The following DCLK2 variants were observed in gnomAD, a reference collection of about 807,000 sequenced individuals.
The protein encoded by DCLK2 is serine/threonine-protein kinase DCLK2.
A neutral mutation model predicts 78.4 loss-of-function variants in DCLK2; 31 were observed. The ratio of observed to expected loss-of-function variants is 0.40; its 90% CI spans 0.30 to 0.53. The LOEUF is 0.53. Among genes scored for constraint, DCLK2 ranks in the 20% least tolerant of loss-of-function variants. DCLK2 has a pLI of 0.61. For synonymous variants in DCLK2, 407 were observed against 374.9 expected (o/e 1.09, Z -0.99); for missense variants, 872 against 973.7 (o/e 0.90, Z 1.39).
In DCLK2 at chr4:150,089,322, G is replaced by T. The variant is rs183154310; in HGVS notation, c.421+9874G>T. 1.9e-3 allele frequency among the ~76,000 whole-genome samples: 297 copies of T among 152,318 alleles called. 1 individual carries two copies. Among genetic ancestry groups the T allele is most frequent in the Non-Finnish European group, 2.5e-3 (172 of 68,022 alleles). On this transcript the variant is annotated intron_variant, in intron 1 of 15. Transcript: ENST00000296550. The stretch of plus-strand genomic sequence containing the variant: ...ACAGCAAGATTAACATAAAGGCACA[G>T]TGGAGAAAGGAATGAGAGATTAAGG...
At chr4:150,132,404 A>G (rs1414557711) in intron 2 of DCLK2, among the ~76,000 whole-genome samples, 9 of 152,246 alleles carry the variant, frequency 5.9e-5, no homozygotes, top group Admixed American at 5.9e-4. Context: ...TGCAGAATGC[A>G]GTGTAGAGAG....
At chr4:150,210,956 AAAAAAAAG>A (rs1224207630) in intron 5 of DCLK2, among the ~76,000 whole-genome samples, 2 of 151,478 alleles carry the variant, frequency 1.3e-5, no homozygotes, top group Admixed American at 1.3e-4. Context: ...CTCAAAAAAA[AAAAAAAAG>A]AAAGAAAGAA....
chr4:150,150,284 G>A (rs2150227745), intron 2 of DCLK2, among the ~76,000 whole-genome samples: 1 of 152,308 alleles, frequency 6.6e-6, no homozygotes, highest in African/African-American at 2.4e-5. Flanking sequence ...AGAAGCTGAA[G>A]TTTCAGACCC....
chr4:150,104,101 A>G (rs1731068956), intron 2 of DCLK2, among the ~76,000 whole-genome samples: 2 of 152,142 alleles, frequency 1.3e-5, no homozygotes, highest in Admixed American at 1.3e-4. Context: ...ACCAAAGAAA[A>G]AAATCTAAAC....
intron 1 of DCLK2, among the ~76,000 whole-genome samples, chr4:150,086,087 T>G (rs1729616399): frequency 6.6e-6 from 1 of 152,202 alleles, no homozygotes; most frequent in African/African-American, 2.4e-5. Flanking sequence ...TAGACCATCC[T>G]CGTGAAAGGG....
chr4:150,243,496 A>G (rs754363560), intron 12 of DCLK2, among the ~76,000 whole-genome samples: 10 of 152,242 alleles, frequency 6.6e-5, no homozygotes, highest in Non-Finnish European at 1.3e-4. Flanking sequence ...ATTACGGTAA[A>G]TAAGTTTGGT....
intron 2 of DCLK2, among the ~76,000 whole-genome samples, chr4:150,143,924 A>G (rs976483444): frequency 2.0e-5 from 3 of 150,936 alleles, no homozygotes; most frequent in Non-Finnish European, 4.4e-5. Flanking sequence ...TGAGTTCCTT[A>G]TAGATTCTGG....
At chr4:150,165,783 G>T (rs1736017871) in intron 2 of DCLK2, among the ~76,000 whole-genome samples, 1 of 152,206 alleles carries the variant, frequency 6.6e-6, no homozygotes, top group Non-Finnish European at 1.5e-5. Flanking sequence ...AAGTTCATGT[G>T]TTGGAAACTT....
At chr4:150,223,743 C>CAATAAATAAATAAATAAATAAATA (rs59076501) in intron 7 of DCLK2, among the ~76,000 whole-genome samples, 19 of 146,856 alleles carry the variant, frequency 1.3e-4, no homozygotes, top group African/African-American at 4.8e-4. Context: ...GACTCTCTCT[C>CAATAAATAAATAAATAAATAAATA]AATAAATAAA....
At chr4:150,175,104 T>A (rs868493088) in intron 2 of DCLK2, among the ~76,000 whole-genome samples, 4 of 98,096 alleles carry the variant, frequency 4.1e-5, no homozygotes, top group African/African-American at 2.0e-4. Flanking sequence ...TTATATATAT[T>A]TATATATTTA....
chr4:150,134,865 T>C (rs1206104761), intron 2 of DCLK2, among the ~76,000 whole-genome samples: 1 of 152,128 alleles, frequency 6.6e-6, no homozygotes, highest in East Asian at 1.9e-4. Flanking sequence ...ACTGATGTGT[T>C]TTTTATTCCT....
At chr4:150,085,239 G>A (rs144609307) in intron 1 of DCLK2, among the ~76,000 whole-genome samples, 5,508 of 152,236 alleles carry the variant, frequency 0.036, 206 homozygotes, top group South Asian at 0.087. Flanking sequence ...CATTCTGTTT[G>A]TGGGGTCTTT....
chr4:150,108,579 T>C (rs1488380687), intron 2 of DCLK2, among the ~76,000 whole-genome samples: 1 of 151,742 alleles, frequency 6.6e-6, no homozygotes, highest in South Asian at 2.1e-4. Context: ...TAAAAATAAA[T>C]AAAACCTTCT....
Position 150,125,352 on chromosome 4 carries a change from T to C in DCLK2, c.756+22540T>C, listed in dbSNP as rs138410905. The stretch of plus-strand genomic sequence containing the variant: ...TTCCAGAATATGTTATGTAGTATAA[T>C]TATTTATTCAATAGACTTGGCTCTG... On this transcript the variant is annotated intron_variant, in intron 2 of 15. Coordinates refer to ENST00000296550, the MANE Select transcript of DCLK2 (RefSeq NM_001040260.4). Among the ~76,000 whole-genome samples, 12 of 151,754 alleles carry C rather than the reference T, an allele frequency of 7.9e-5. No homozygotes were observed. The East Asian group carries it at 2.1e-3, about 27-fold the overall frequency.
intron 1 of DCLK2, among the ~76,000 whole-genome samples, chr4:150,082,187 C>G (rs1374624742): frequency 6.6e-6 from 1 of 152,110 alleles, no homozygotes; most frequent in Non-Finnish European, 1.5e-5. Context: ...ATATTCACCA[C>G]ATTGTCAAAA....
intron 13 of DCLK2, 35 bp downstream of exon 13, chr4:150,247,734 C>A: frequency 6.4e-7 from 1 of 1,561,114 alleles, no homozygotes; most frequent in Non-Finnish European, 8.8e-7. Context: ...GGTTGTATTA[C>A]GTTGTGGGGT....
At chr4:150,190,982 T>G (rs6535718) in intron 2 of DCLK2, among the ~76,000 whole-genome samples, 120,466 of 151,886 alleles carry the variant, frequency 0.79, 50,200 homozygotes, top group Middle Eastern at 0.94. Context: ...AAGATTTAGC[T>G]AGGCATGGTG....
intron 2 of DCLK2, among the ~76,000 whole-genome samples, chr4:150,177,966 T>G (rs1377277170): frequency 6.6e-6 from 1 of 152,172 alleles, no homozygotes; most frequent in African/African-American, 2.4e-5. Flanking sequence ...AATGTTTTGT[T>G]TCCATGTATT....
chr4:150,096,575 CA>C (rs1294408862), intron 1 of DCLK2, among the ~76,000 whole-genome samples: 3 of 151,938 alleles, frequency 2.0e-5, no homozygotes, highest in Non-Finnish European at 4.4e-5. Flanking sequence ...TGAGAAGGAG[CA>C]ACCTAAGAAA....
Sources: gnomAD v4.1 joint callset for allele counts (sites outside exome capture counted in the v4.1 genomes callset) on GRCh38, gnomAD v4.1.1 for gene constraint, MANE v1.5 for transcripts, NCBI Gene and HGNC (gene_info 2026-07-23, HGNC 2026-07-21) for gene names.